Variants in SLMAP observed in about 807,000 individuals in gnomAD.
SLMAP encodes sarcolemma associated protein, also known as sarcolemmal membrane-associated protein.
Under a neutral mutation model 128.8 loss-of-function variants are expected in SLMAP, and 44 were observed. That is an observed-to-expected ratio of 0.34 (90% CI 0.27 to 0.44). SLMAP has a LOEUF of 0.44. SLMAP is among the 20% of genes least tolerant of loss of function. The pLI, the probability that SLMAP is intolerant of heterozygous loss-of-function variation, is 1.00. For synonymous variants in SLMAP, 327 were observed against 348.8 expected (o/e 0.94, Z 0.70); for missense variants, 787 against 985.3 (o/e 0.80, Z 2.69).
chr3:57,847,431 G>C (rs1275107995), intron 5 of SLMAP, among the ~76,000 whole-genome samples, 198 bp downstream of exon 5: 2 of 152,154 alleles, frequency 1.3e-5, no homozygotes, highest in South Asian at 2.1e-4. Flanking sequence ...TCAGAAAAAG[G>C]CTTTGTTATC....
At chr3:57,897,006 T>G (rs1370674877) in intron 17 of SLMAP, 74 bp downstream of exon 17, 3 of 1,590,134 alleles carry the variant, frequency 1.9e-6, no homozygotes, top group Non-Finnish European at 2.6e-6. Context: ...CTGTTCTAGA[T>G]ATTATGTGAA....
At chr3:57,830,762 A>G (rs544978208) in intron 2 of SLMAP, among the ~76,000 whole-genome samples, 1 of 152,296 alleles carries the variant, frequency 6.6e-6, no homozygotes, top group Admixed American at 6.5e-5. Flanking sequence ...GTAAGCACTC[A>G]TGTACTTTTT....
intron 17 of SLMAP, among the ~76,000 whole-genome samples, chr3:57,906,300 C>CTT (rs112949836): frequency 1.5e-4 from 11 of 71,288 alleles, no homozygotes; most frequent in South Asian, 4.9e-4. Flanking sequence ...AAATTTTTTT[C>CTT]TTTTTTTTTC....
intron 2 of SLMAP, among the ~76,000 whole-genome samples, chr3:57,774,108 A>G (rs1176987483): frequency 6.6e-6 from 1 of 152,248 alleles, no homozygotes; most frequent in African/African-American, 2.4e-5. Context: ...ATATTTTAAA[A>G]CATAACACCT....
At chr3:57,916,862 A>C (rs775420027) in intron 21 of SLMAP, 44 bp from the exon 22 acceptor site, 9 of 1,540,334 alleles carry the variant, frequency 5.8e-6, no homozygotes, top group Non-Finnish European at 8.0e-6. Context: ...TTCTGTGTCC[A>C]GTTTCTACCT....
At chr3:57,886,525 A>G (rs1424737365) in intron 14 of SLMAP, among the ~76,000 whole-genome samples, 1 of 152,058 alleles carries the variant, frequency 6.6e-6, no homozygotes, top group Non-Finnish European at 1.5e-5. Context: ...AACTGTAGGA[A>G]GATTGAGGAG....
At chr3:57,793,767 C>T (rs1363734015) in intron 2 of SLMAP, among the ~76,000 whole-genome samples, 1 of 151,914 alleles carries the variant, frequency 6.6e-6, no homozygotes, top group Non-Finnish European at 1.5e-5. Flanking sequence ...TAAACCTTCG[C>T]TTATTTTTTA....
intron 2 of SLMAP, among the ~76,000 whole-genome samples, chr3:57,774,756 C>T (rs1052485391): frequency 3.3e-5 from 5 of 151,978 alleles, no homozygotes; most frequent in African/African-American, 1.2e-4. Context: ...GAACTCCTGA[C>T]CTTGTGATCC....
intron 15 of SLMAP, among the ~76,000 whole-genome samples, chr3:57,894,793 G>A (rs993925817): frequency 3.3e-5 from 5 of 152,154 alleles, no homozygotes; most frequent in Non-Finnish European, 7.4e-5. Flanking sequence ...ACAAATAATT[G>A]CAGGACATAA....
At chr3:57,873,471 C>G (rs559699095) in intron 14 of SLMAP, among the ~76,000 whole-genome samples, 3 of 151,912 alleles carry the variant, frequency 2.0e-5, no homozygotes, top group African/African-American at 2.4e-5. Context: ...CCACTGCACT[C>G]CAGCCTAGGC....
chr3:57,824,842 A>G (rs1207265562), intron 2 of SLMAP, among the ~76,000 whole-genome samples: 1 of 152,128 alleles, frequency 6.6e-6, no homozygotes, highest in African/African-American at 2.4e-5. Flanking sequence ...ATTTTTTTGG[A>G]AAATATTGAT....
chr3:57,906,913 AAGG>A (rs2096583225), intron 17 of SLMAP, among the ~76,000 whole-genome samples: 1 of 151,794 alleles, frequency 6.6e-6, no homozygotes, highest in African/African-American at 2.4e-5. Flanking sequence ...ATTGGAGAGG[AAGG>A]AGTTTAGGGG....
intron 14 of SLMAP, among the ~76,000 whole-genome samples, chr3:57,876,221 T>G (rs2095600390): frequency 6.6e-6 from 1 of 152,238 alleles, no homozygotes; most frequent in South Asian, 2.1e-4. Context: ...TGACAGATTT[T>G]TCAGTTTATG....
chr3:57,854,868 C>T (rs1366354405), intron 6 of SLMAP, among the ~76,000 whole-genome samples: 1 of 152,088 alleles, frequency 6.6e-6, no homozygotes, highest in African/African-American at 2.4e-5. Flanking sequence ...CATATGATCT[C>T]ATTAGGTGAT....
intron 15 of SLMAP, chr3:57,896,175 C>G: frequency 1.0e-6 from 1 of 963,522 alleles, no homozygotes; most frequent in Non-Finnish European, 1.2e-6. Context: ...TCTGCATTGT[C>G]CTGGGAATTG....
At chr3:57,865,948 T>A (rs2095289077) in intron 13 of SLMAP, among the ~76,000 whole-genome samples, 1 of 152,196 alleles carries the variant, frequency 6.6e-6, no homozygotes, top group Non-Finnish European at 1.5e-5. Flanking sequence ...CCCTTCCATC[T>A]AACATTAATT....
chr3:57,906,330 TTTA>T (rs2096560673), intron 17 of SLMAP, among the ~76,000 whole-genome samples: 1 of 136,974 alleles, frequency 7.3e-6, no homozygotes, highest in East Asian at 2.2e-4. Context: ...TTTTTTTTTT[TTTA>T]GAGACACAGT....
chr3:57,885,423 G>GTTT (rs71091314), intron 14 of SLMAP, among the ~76,000 whole-genome samples: 4 of 135,272 alleles, frequency 3.0e-5, no homozygotes, highest in South Asian at 2.4e-4. Flanking sequence ...TTGTTTTTGT[G>GTTT]TTTTTTTTTT....
chr3:57,842,667 A>G (rs1486210735), intron 4 of SLMAP, among the ~76,000 whole-genome samples: 1 of 152,166 alleles, frequency 6.6e-6, no homozygotes, highest in African/African-American at 2.4e-5. Flanking sequence ...AATTTTTTCA[A>G]AGTCAGTTGG....
Sources: allele counts gnomAD v4.1 joint callset (sites outside exome capture counted in the v4.1 genomes callset), GRCh38; gene constraint gnomAD v4.1.1; transcripts MANE v1.5; gene names NCBI Gene and HGNC (gene_info 2026-07-23, HGNC 2026-07-21).